Variants in AGAP2 observed in about 807,000 individuals in gnomAD.
The protein encoded by AGAP2 is ArfGAP with GTPase domain, ankyrin repeat and PH domain 2.
AGAP2 carries 32 observed loss-of-function variants against 110.9 expected under a neutral mutation model. The observed-to-expected ratio is 0.29, with a 90% CI of 0.22 to 0.39. AGAP2 has a LOEUF of 0.39. Ranked by LOEUF, AGAP2 falls within the 10% of genes least tolerant of loss-of-function variation. The pLI, the probability that AGAP2 is intolerant of heterozygous loss-of-function variation, is 1.00. For synonymous variants in AGAP2, 702 were observed against 713.0 expected, an observed-to-expected ratio of 0.98 and a Z score of 0.25; for missense variants, 1,285 against 1,638.5, an observed-to-expected ratio of 0.78 and a Z score of 3.72.
Position 57,737,371 on chromosome 12 carries a change from C to A in AGAP2, c.876G>T (p.Pro292=), listed in dbSNP as rs1955004309. 8 of 1,613,676 alleles carry A rather than the reference C, an allele frequency of 5.0e-6. No homozygotes were observed. The highest frequency in any genetic ancestry group is 3.3e-5 in the South Asian group (3 of 91,082). ...HPGPPAGSPP[P]LTLPPTPSPA... is the part of the protein sequence containing the mutation. ...GACTCGGAGTTGGTGGGAGGGTTAG[C>A]GGAGGAGGAGAGCCGGCAGGCGGTC... Residue 292 remains proline, a synonymous_variant, in exon 1 of 19, where the codon CCG becomes CCT. Coordinates refer to ENST00000547588, the MANE Select transcript of AGAP2 (RefSeq NM_001122772.3). This position sits in a 1 kb window ranked among gnomAD's most constrained non-coding sequence, Gnocchi z 5.9.
intron 1 of AGAP2, among the ~76,000 whole-genome samples, chr12:57,735,694 A>G (rs1188165754): frequency 3.3e-5 from 5 of 152,206 alleles, no homozygotes; most frequent in Non-Finnish European, 7.3e-5. Flanking sequence ...CTTAAAGCAC[A>G]TCCCCAAACG....
chr12:57,727,639 T>G (rs1305716963), intron 16 of AGAP2, 42 bp downstream of exon 16: 4 of 1,591,204 alleles, frequency 2.5e-6, no homozygotes, highest in Non-Finnish European at 2.6e-6. Flanking sequence ...ACCCCGGCAT[T>G]CACTACACTC....
rs1394319844 is a variant in AGAP2, at chr12:57,737,084, G to T, written c.1163C>A (p.Ser388Tyr). ...RELLGAELRA[S>Y]PKAVINSQEW... is the part of the protein sequence containing the mutation. The stretch of plus-strand genomic sequence containing the variant: ...CAAGCCCTGACTCAACTCACTAGGG[G>T]AAGCGCGGAGCTCGGCGCCCAGCAG... The change falls in exon 1 of 19, where the codon TCC (serine) becomes TAC (tyrosine). Residue 388 changes from serine (S) to tyrosine (Y), a missense_variant. This residue lies in a region of AGAP2 where 844 missense variants were observed against 941.2 expected (regional missense o/e 0.90). Coordinates refer to ENST00000547588, the MANE Select transcript of AGAP2 (RefSeq NM_001122772.3). The surrounding 1 kb of genome is among the most constrained non-coding windows in gnomAD (Gnocchi z 5.9). The T allele has an allele frequency of 1.3e-6, 2 of 1,532,780 alleles. No homozygotes were observed. The highest frequency in any genetic ancestry group is 2.1e-5 in the Admixed American group (1 of 48,124). The allele number at this position is 1,532,780 out of a possible 1,614,324, so 94.9% of individuals were successfully genotyped here.
At chr12:57,733,587 A>G (rs144668603) in intron 5 of AGAP2, among the ~76,000 whole-genome samples, 55 of 152,224 alleles carry the variant, frequency 3.6e-4, no homozygotes, top group African/African-American at 1.3e-3. Context: ...TCTTTTCATC[A>G]TCATTTCCTT....
Position 57,737,633 on chromosome 12 carries a change from C to A in AGAP2, c.614G>T (p.Gly205Val). The stretch of plus-strand genomic sequence containing the variant: ...GGGCCATGACAGGCGGCTACCCGCG[C>A]CCTTGCCCCCGCCGGCTTTGGCTCC... The part of the protein sequence containing the change: ...TSGAKAGGGK[G>V]AGSRLSWPES... Residue 205 changes from glycine (G) to valine (V), a missense_variant, in exon 1 of 19, where the codon GGC becomes GTC. Gly to Val is a moderately radical substitution (Grantham distance 109). Around this residue, in one of 7 missense-constraint regions of AGAP2, gnomAD observed 844 missense variants for 941.2 expected, o/e 0.90. Transcript: ENST00000547588. The surrounding 1 kb of genome is among the most constrained non-coding windows in gnomAD (Gnocchi z 5.9). 1 of 1,547,302 alleles carries A rather than the reference C, an allele frequency of 6.5e-7. No homozygotes were observed. Among genetic ancestry groups the A allele is most frequent in the Non-Finnish European group, 8.7e-7 (1 of 1,146,740 alleles).
intron 13 of AGAP2, 108 bp from the exon 14 acceptor site, chr12:57,728,485 A>G (rs1595082467): frequency 1.7e-6 from 2 of 1,163,958 alleles, no homozygotes; most frequent in African/African-American, 1.5e-5. Context: ...ATGGAGAGAG[A>G]TAGTGACAGA....
Position 57,727,153 on chromosome 12 carries a change from GCTC to G in AGAP2, c.3154_3156del (p.Glu1052del), listed in dbSNP as rs1243985831. 1 of 1,606,202 alleles carries G rather than the reference GCTC, an allele frequency of 6.2e-7. No homozygotes were observed. The highest frequency in any genetic ancestry group is 1.1e-5 in the South Asian group (1 of 90,050). ...GCGGCCCACAGCTGGCGGCCCAGCG[GCTC>G]CTCCGAGGTGCTCAGCGGCGCCAGG... On this transcript the variant is annotated inframe_deletion, in exon 18 of 19. Transcript: ENST00000547588.
Position 57,732,874 on chromosome 12 carries a change from C to T in AGAP2, c.1655G>A (p.Gly552Glu). 1 of 1,614,006 alleles carries T rather than the reference C, an allele frequency of 6.2e-7. No individual in the cohort carries two copies. Among genetic ancestry groups the T allele is most frequent in the Non-Finnish European group, 8.5e-7 (1 of 1,180,010 alleles). ...CSYYETCATY[G>E]LNVDRVFQEV... ...CTGGAAGACCCGATCCACATTGAGCCCATAGGTTGCACAAGTCTCATAGTA... is the reference window on the plus strand; with the variant it reads ...CTGGAAGACCCGATCCACATTGAGCTCATAGGTTGCACAAGTCTCATAGTA... The change falls in exon 6 of 19, where the codon GGG (glycine) becomes GAG (glutamate). Residue 552 changes from glycine (G) to glutamate (E), a missense_variant. Gly to Glu is a moderately conservative substitution (Grantham distance 98). Transcript: ENST00000547588.
At chr12:57,729,904 C>T in intron 12 of AGAP2, 137 bp from the exon 13 acceptor site, 1 of 1,258,322 alleles carries the variant, frequency 7.9e-7, no homozygotes, top group South Asian at 1.5e-5. Flanking sequence ...AGGAGTTCCC[C>T]CTTGATCATT....
chr12:57,727,265 G>T (rs748923846), intron 17 of AGAP2, 36 bp from the exon 18 acceptor site: 2 of 1,612,324 alleles, frequency 1.2e-6, no homozygotes, highest in South Asian at 2.2e-5. Context: ...AGGCTCTAGG[G>T]ACCCCCAGCC....
chr12:57,724,414 C>G (rs1434047368), downstream of AGAP2: 1 of 152,358 alleles, frequency 6.6e-6, no homozygotes, highest in Non-Finnish European at 1.5e-5. Flanking sequence ...CAGCTGCCCT[C>G]GAGAAATGGT....
upstream of AGAP2, among the ~76,000 whole-genome samples, chr12:57,738,964 T>G (rs1565799464): frequency 6.6e-6 from 1 of 151,720 alleles, no homozygotes; most frequent in African/African-American, 2.4e-5. This position sits in a 1 kb window ranked among gnomAD's most constrained non-coding sequence, Gnocchi z 6.7. Context: ...CCCCTCACAT[T>G]GAGGAGGAGG....
chr12:57,733,051 C>G, intron 5 of AGAP2, 72 bp from the exon 6 acceptor site: 1 of 1,591,034 alleles, frequency 6.3e-7, no homozygotes, highest in South Asian at 1.1e-5. Flanking sequence ...ATTCCCTTAT[C>G]CTTGCACTGG....
chr12:57,733,610 T>G (rs1454262230), intron 5 of AGAP2, among the ~76,000 whole-genome samples: 2 of 152,214 alleles, frequency 1.3e-5, no homozygotes, highest in African/African-American at 4.8e-5. Context: ...TGTTTTCACT[T>G]TGTTTTTGGA....
chr12:57,731,567 G>A lies in AGAP2; in HGVS notation c.2029C>T (p.Pro677Ser), dbSNP rs1403455754. ...GETTGSGRAIPIKQSFLLKRS... is the reference protein window; with the variant it reads ...GETTGSGRAISIKQSFLLKRS... ...CCTGGATCACTCACCTGTTTGATGG[G>A]GATGGCTCGCCCACTCCCTGTTGTC... Residue 677 changes from proline to serine, a missense_variant, in exon 9 of 19, where the codon CCC (proline) becomes TCC (serine). Transcript: ENST00000547588. 1 of 1,613,980 alleles carries A rather than the reference G, an allele frequency of 6.2e-7. No homozygotes were observed. Among genetic ancestry groups the A allele is most frequent in the African/African-American group, 1.3e-5 (1 of 74,870 alleles).
Position 57,726,937 on chromosome 12 carries a change from C to A in AGAP2, c.3336+37G>T, listed in dbSNP as rs989731819. ...GCGCCAGGCGTTTTCCGAGATGAAG[C>A]CTCAAAGACCCCCTTTCCTCCCCCC... On this transcript the variant is annotated intron_variant, in intron 18 of 18. Transcript: ENST00000547588. The surrounding 1 kb of genome is among the most constrained non-coding windows in gnomAD (Gnocchi z 5.7). 6.6e-7 allele frequency: 1 copy of A among 1,505,236 alleles called. No homozygotes were observed. The highest frequency in any genetic ancestry group is 1.3e-5 in the South Asian group (1 of 76,502). The allele number at this position is 1,505,236 out of a possible 1,614,324, so 93.2% of individuals were successfully genotyped here. A position where few individuals can be genotyped will look rare whatever the true frequency, so the allele number is the denominator to read the frequency against.
chr12:57,729,740 G>A lies in AGAP2; in HGVS notation c.2456C>T (p.Pro819Leu), dbSNP rs746483507. The stretch of plus-strand genomic sequence containing the variant: ...AGAAGGAGGGGGTTCCCGACTCAGG[G>A]GGCTCAGGTCTCCAGATGGGGTACA... ...TDCTPSGDLS[P>L]LSREPPPSPM... The change falls in exon 13 of 19, where the codon CCC (proline) becomes CTC (leucine). Residue 819 changes from proline to leucine, a missense_variant. Around this residue, in one of 7 missense-constraint regions of AGAP2, gnomAD observed 135 missense variants for 182.0 expected, o/e 0.74. Coordinates refer to ENST00000547588, the MANE Select transcript of AGAP2 (RefSeq NM_001122772.3). The A allele has an allele frequency of 1.2e-6, 2 of 1,613,620 alleles. No individual in the cohort carries two copies. Among genetic ancestry groups the A allele is most frequent in the Admixed American group, 1.7e-5 (1 of 59,980 alleles).
chr12:57,728,182 G>T, intron 14 of AGAP2, 97 bp from the exon 15 acceptor site: 1 of 1,523,796 alleles, frequency 6.6e-7, no homozygotes, highest in Non-Finnish European at 8.9e-7. Context: ...CCGAGCCCCT[G>T]GGAGTGGGGC....
chr12:57,734,780 C>A, intron 2 of AGAP2, 101 bp from the exon 3 acceptor site: 1 of 982,186 alleles, frequency 1.0e-6, no homozygotes, highest in Admixed American at 1.8e-5. Flanking sequence ...GTCATCCAAG[C>A]AGGACCCTAC....
Sources: allele counts gnomAD v4.1 joint callset (sites outside exome capture counted in the v4.1 genomes callset), GRCh38; gene constraint gnomAD v4.1.1; regional missense constraint gnomAD v4.1.1; non-coding constraint Gnocchi (gnomAD v3.1); transcripts MANE v1.5; gene names NCBI Gene and HGNC (gene_info 2026-07-23, HGNC 2026-07-21).